The following TENM2 variants were observed in gnomAD, a reference collection of about 807,000 sequenced individuals.
TENM2 encodes the protein teneurin-2.
TENM2 carries 52 observed loss-of-function variants against 245.2 expected under a neutral mutation model. That is an observed-to-expected ratio of 0.21 (90% confidence interval 0.17 to 0.27). The LOEUF is 0.27. Ranked by LOEUF, TENM2 falls within the 10% of genes least tolerant of loss-of-function variation. TENM2 has a pLI of 1.00. For synonymous variants in TENM2, 1,363 were observed against 1,438.9 expected, an observed-to-expected ratio of 0.95 and a Z score of 1.19; for missense variants, 3,046 against 3,666.8, an observed-to-expected ratio of 0.83 and a Z score of 4.37.
intron 2 of TENM2, among the ~76,000 whole-genome samples, chr5:167,801,103 AAAAAAAATATAT>A (rs1765687239): frequency 3.1e-5 from 2 of 64,498 alleles, no homozygotes; most frequent in South Asian, 6.7e-4. Flanking sequence ...AAGAAAAAAA[AAAAAAAATATAT>A]ATATATATAT....
At chr5:167,147,353 C>A in the TENM2 span, among the ~76,000 whole-genome samples, 1 of 152,230 alleles carries the variant, frequency 6.6e-6, no homozygotes, top group African/African-American at 2.4e-5. Context: ...TGCTTTGTGC[C>A]TTTACCAAAA....
At chr5:168,171,880 G>A (rs1758869192) in intron 13 of TENM2, among the ~76,000 whole-genome samples, 1 of 152,222 alleles carries the variant, frequency 6.6e-6, no homozygotes, top group Non-Finnish European at 1.5e-5. Flanking sequence ...TTGGCTTCCT[G>A]TATTTGTGCT....
chr5:167,880,565 G>A (rs900294599), intron 3 of TENM2, among the ~76,000 whole-genome samples: 1 of 152,130 alleles, frequency 6.6e-6, no homozygotes, highest in Non-Finnish European at 1.5e-5. Flanking sequence ...TCATTTCAGG[G>A]AAATTCTGGG....
rs80111072 is a variant in TENM2 at position 168,260,075 on chromosome 5, T to C, written c.7433-208T>C. Among the ~76,000 whole-genome samples, 951 of 152,284 alleles carry C rather than the reference T, an allele frequency of 6.2e-3. 9 individuals carry two copies. The highest frequency in any genetic ancestry group is 0.022 in the African/African-American group (906 of 41,548). Reference sequence around the variant, plus strand: ...GTCTTCTTAATCACCACATGGTGGTTATCAACTGACCAAGTTTGATATCTG... The same window carrying C: ...GTCTTCTTAATCACCACATGGTGGTCATCAACTGACCAAGTTTGATATCTG... On this transcript the variant is annotated intron_variant, in intron 27 of 28. Transcript: ENST00000518659.
intron 27 of TENM2, among the ~76,000 whole-genome samples, chr5:168,254,582 C>T (rs1422212518): frequency 6.6e-6 from 1 of 152,042 alleles, no homozygotes; most frequent in Non-Finnish European, 1.5e-5. Flanking sequence ...GAAAGAAGAA[C>T]TACAAGAACT....
At chr5:168,053,682 G>C (rs1027007733) in intron 6 of TENM2, among the ~76,000 whole-genome samples, 1 of 152,190 alleles carries the variant, frequency 6.6e-6, no homozygotes, top group African/African-American at 2.4e-5. Flanking sequence ...ACATACATGG[G>C]TTATGTGAAA....
intron 3 of TENM2, among the ~76,000 whole-genome samples, chr5:167,950,461 G>A (rs897219471): frequency 2.6e-5 from 4 of 152,022 alleles, no homozygotes; most frequent in African/African-American, 9.7e-5. Context: ...GGAGAGGGGA[G>A]GGTGGGGGGC....
chr5:167,532,638 G>A (rs1483378706), intron 2 of TENM2, among the ~76,000 whole-genome samples: 2 of 151,744 alleles, frequency 1.3e-5, no homozygotes, highest in Admixed American at 1.3e-4. Flanking sequence ...CAGCCTGTGG[G>A]AATTCAAGAT....
intron 2 of TENM2, among the ~76,000 whole-genome samples, chr5:167,627,349 G>C (rs542148387): frequency 3.5e-4 from 54 of 152,224 alleles, no homozygotes; most frequent in Admixed American, 1.6e-3. Flanking sequence ...GAGAGAATGT[G>C]AGGTCCTATT....
intron 2 of TENM2, among the ~76,000 whole-genome samples, chr5:167,532,812 ATG>A (rs1018346866): frequency 1.0e-4 from 12 of 114,340 alleles, no homozygotes; most frequent in Admixed American, 3.2e-4. Flanking sequence ...ATTTGTGTGT[ATG>A]TGTGTGTGTG....
At chr5:167,971,199 A>G (rs146811920) in intron 4 of TENM2, among the ~76,000 whole-genome samples, 1 of 151,818 alleles carries the variant, frequency 6.6e-6, no homozygotes, top group East Asian at 2.0e-4. Context: ...ATAGAGATAG[A>G]GACAGAGATA....
the TENM2 span, among the ~76,000 whole-genome samples, chr5:167,017,058 A>G: frequency 6.6e-6 from 1 of 152,214 alleles, no homozygotes; most frequent in Non-Finnish European, 1.5e-5. Context: ...GAAGTTGGAG[A>G]TGGAATCAGC....
chr5:168,099,644 C>G (rs1414890469), intron 9 of TENM2, among the ~76,000 whole-genome samples: 1 of 152,182 alleles, frequency 6.6e-6, no homozygotes, highest in Non-Finnish European at 1.5e-5. Flanking sequence ...ATTAATAAAG[C>G]TGCTCTGTAA....
the TENM2 span, among the ~76,000 whole-genome samples, chr5:167,091,052 A>G: frequency 6.6e-6 from 1 of 152,342 alleles, no homozygotes; most frequent in Non-Finnish European, 1.5e-5. Flanking sequence ...GCTGTATGTG[A>G]AACTACTGTT....
chr5:167,357,978 A>T (rs1263641687), intron 1 of TENM2, among the ~76,000 whole-genome samples: 1 of 152,210 alleles, frequency 6.6e-6, no homozygotes, highest in East Asian at 1.9e-4. Flanking sequence ...TATCCCAGGT[A>T]AAGCGTTCAC....
intron 4 of TENM2, among the ~76,000 whole-genome samples, chr5:167,985,968 G>A (rs1030890734): frequency 1.3e-5 from 2 of 152,226 alleles, no homozygotes; most frequent in African/African-American, 4.8e-5. Flanking sequence ...AGCTCCTTCT[G>A]TATCATAAGA....
chr5:167,815,375 G>T (rs1766964031), intron 2 of TENM2, among the ~76,000 whole-genome samples: 1 of 152,128 alleles, frequency 6.6e-6, no homozygotes, highest in Admixed American at 6.5e-5. Flanking sequence ...GTATCTTCCA[G>T]GCATGACATA....
rs552059927 is a variant in TENM2, at chr5:167,395,953, A to G, written c.502+20480A>G. 3.3e-5 allele frequency among the ~76,000 whole-genome samples: 5 copies of G among 152,296 alleles called. No homozygotes were observed. The East Asian group carries it at 9.6e-4, about 29-fold the overall frequency. On this transcript the variant is annotated intron_variant, in intron 2 of 28. Transcript: ENST00000518659. Reference sequence around the variant, plus strand: ...GATGGCCATTATCAAAGCAGTAACAAAAGAGATAAGTGTTGTCAAGGATGT... The same window carrying G: ...GATGGCCATTATCAAAGCAGTAACAGAAGAGATAAGTGTTGTCAAGGATGT...
rs189620069 is a variant in TENM2, at chr5:167,433,112, A to G, written c.502+57639A>G. 1.5e-3 allele frequency among the ~76,000 whole-genome samples: 212 copies of G among 138,956 alleles called. 1 individual carries two copies. Among genetic ancestry groups the G allele is most frequent in the African/African-American group, 5.5e-3 (189 of 34,498 alleles). The allele number at this position is 138,956 out of a possible 152,430, so 91.2% of individuals were successfully genotyped here. On this transcript the variant is annotated intron_variant, in intron 2 of 28. Transcript: ENST00000518659. Reference sequence around the variant, plus strand: ...TATTAATTGGATTTTGGTAATAAATATTGAATTTTTTTTTTTAGTAACAGA... The same window carrying G: ...TATTAATTGGATTTTGGTAATAAATGTTGAATTTTTTTTTTTAGTAACAGA...
Sources: allele counts gnomAD v4.1 joint callset (sites outside exome capture counted in the v4.1 genomes callset), GRCh38; gene constraint gnomAD v4.1.1; transcripts MANE v1.5; gene names NCBI Gene and HGNC (gene_info 2026-07-23, HGNC 2026-07-21).